The following LAMA3 variants were observed in gnomAD, a reference collection of about 807,000 sequenced individuals.
LAMA3 encodes the protein laminin subunit alpha-3.
A neutral mutation model predicts 402.0 loss-of-function variants in LAMA3; 281 were observed. That is an observed-to-expected ratio of 0.70 (90% confidence interval 0.63 to 0.77). The LOEUF (loss-of-function observed/expected upper bound fraction) is 0.77, where lower values mean the gene tolerates loss of function less well. LAMA3 is among the 30% of genes least tolerant of loss of function. LAMA3 has a pLI of 0.00. For synonymous variants in LAMA3, 1,431 were observed against 1,558.4 expected, an observed-to-expected ratio of 0.92 and a Z score of 1.93; for missense variants, 3,840 against 4,215.5, an observed-to-expected ratio of 0.91 and a Z score of 2.47.
chr18:23,834,871 T>C (rs1264385988), intron 24 of LAMA3: 1 of 152,198 alleles, frequency 6.6e-6, no homozygotes, highest in Non-Finnish European at 1.5e-5. Flanking sequence ...TAGCTTAGAA[T>C]GGAAACTTTT....
intron 2 of LAMA3, among the ~76,000 whole-genome samples, chr18:23,728,694 T>C (rs1369980345): frequency 6.6e-6 from 1 of 152,164 alleles, no homozygotes; most frequent in East Asian, 1.9e-4. Flanking sequence ...GCTTTTCTAC[T>C]GGCTGAAATT....
chr18:23,943,139 A>G (rs1292717646), intron 68 of LAMA3, among the ~76,000 whole-genome samples: 1 of 152,238 alleles, frequency 6.6e-6, no homozygotes, highest in Admixed American at 6.5e-5. Flanking sequence ...CAGAATGCAT[A>G]TTCATTGAGT....
chr18:23,895,562 T>C (rs1367221286), intron 44 of LAMA3, among the ~76,000 whole-genome samples: 1 of 152,240 alleles, frequency 6.6e-6, no homozygotes, highest in East Asian at 1.9e-4. Context: ...GTCAATTTCA[T>C]CTAAATTACC....
rs548849620 is a variant in LAMA3, at chr18:23,824,818, AG to A, written c.2571+255del. ...GGACAAAAAAAATAAAAGATAAAAA[AG>A]GTCTCCTAAAGACTCTTAATTATCA... is the stretch of plus-strand genomic sequence containing the variant. On this transcript the variant is annotated intron_variant, in intron 21 of 74. Coordinates refer to ENST00000313654, the MANE Select transcript of LAMA3 (RefSeq NM_198129.4). 1.1e-4 allele frequency among the ~76,000 whole-genome samples: 17 copies of A among 152,334 alleles called. No homozygotes were observed. The South Asian group carries it at 3.3e-3, about 30-fold the overall frequency.
intron 23 of LAMA3, among the ~76,000 whole-genome samples, chr18:23,829,575 T>C (rs2063454176): frequency 6.6e-6 from 1 of 152,222 alleles, no homozygotes. Context: ...TTCTTGGTCA[T>C]GAGGCCACAT....
chr18:23,737,600 A>G (rs1016761629), intron 2 of LAMA3, among the ~76,000 whole-genome samples: 4 of 152,214 alleles, frequency 2.6e-5, no homozygotes, highest in African/African-American at 9.7e-5. Context: ...CATCACAGTG[A>G]AAGTGACTTT....
rs1157058719 is a variant in LAMA3 at position 23,873,080 on chromosome 18, G to A, written c.4998+1419G>A. The stretch of plus-strand genomic sequence containing the variant: ...CAGTGAGGCGGTCAGCCTGCAGCAT[G>A]GGATGGCTGTGGATCTTTGGGGCAG... On this transcript the variant is annotated intron_variant, in intron 38 of 74. Coordinates refer to ENST00000313654, the MANE Select transcript of LAMA3 (RefSeq NM_198129.4). The A allele has an allele frequency of 3.1e-6, 5 of 1,614,110 alleles. No individual in the cohort carries two copies. In the African/African-American group the frequency reaches 6.7e-5, roughly 22 times the overall value.
At position 23,867,833 on chromosome 18, in the gene LAMA3, G is replaced by C. The variant is rs771876066; in HGVS notation, c.4684-1G>C. 1 of 1,613,292 alleles carries C rather than the reference G, an allele frequency of 6.2e-7. No homozygotes were observed. The highest frequency in any genetic ancestry group is 1.1e-5 in the South Asian group (1 of 91,072). ...ACACATTCATGGTTTTCTTTAAACA[G>C]GGTCAGCACATGTCCATCATCTATG... On this transcript the variant is annotated splice_acceptor_variant, in intron 36 of 74. Coordinates refer to ENST00000313654, the MANE Select transcript of LAMA3 (RefSeq NM_198129.4). LOFTEE classifies it high-confidence loss of function.
chr18:23,898,172 G>T (rs772113232), intron 44 of LAMA3: 1 of 154,708 alleles, frequency 6.5e-6, no homozygotes, highest in Non-Finnish European at 1.4e-5. Flanking sequence ...TAAAAAAAGG[G>T]CAAGGGACCC....
At chr18:23,932,023 TA>T in intron 65 of LAMA3, 136 bp from the exon 66 acceptor site, 1 of 1,066,726 alleles carries the variant, frequency 9.4e-7, no homozygotes, top group Non-Finnish European at 1.4e-6. Context: ...TAATGCTCTT[TA>T]AAAATAAAGT....
At chr18:23,937,696 G>T (rs1178760989) in intron 67 of LAMA3, among the ~76,000 whole-genome samples, 1 of 152,194 alleles carries the variant, frequency 6.6e-6, no homozygotes, top group Non-Finnish European at 1.5e-5. Context: ...AGGCCCACTG[G>T]TATGAGTCCC....
At chr18:23,900,392 C>T (rs2081033415) in intron 47 of LAMA3, among the ~76,000 whole-genome samples, 1 of 152,148 alleles carries the variant, frequency 6.6e-6, no homozygotes, top group Non-Finnish European at 1.5e-5. Context: ...CTTTTGACTG[C>T]ATTTTGACTG....
intron 2 of LAMA3, among the ~76,000 whole-genome samples, chr18:23,733,387 C>T (rs181601412): frequency 5.2e-4 from 79 of 152,108 alleles, no homozygotes; most frequent in African/African-American, 1.7e-3. Context: ...TGGCAGAAGG[C>T]GAAAAGCATG....
chr18:23,829,660 T>C (rs1005024383), intron 23 of LAMA3, among the ~76,000 whole-genome samples: 3 of 152,212 alleles, frequency 2.0e-5, no homozygotes, highest in African/African-American at 7.2e-5. Flanking sequence ...GGGGTACAAG[T>C]ACAAGTTTCT....
chr18:23,943,642 A>G, intron 68 of LAMA3, 146 bp from the exon 69 acceptor site: 1 of 704,336 alleles, frequency 1.4e-6, no homozygotes, highest in Middle Eastern at 3.9e-4. Context: ...TTTCCAGAGA[A>G]ACGGGTCATT....
At chr18:23,772,977 C>G (rs1399743432) in intron 8 of LAMA3, among the ~76,000 whole-genome samples, 1 of 152,200 alleles carries the variant, frequency 6.6e-6, no homozygotes, top group African/African-American at 2.4e-5. Context: ...CCTCCATTTT[C>G]CATTCATGAA....
chr18:23,900,217 C>T (rs2081023503), intron 47 of LAMA3, among the ~76,000 whole-genome samples: 1 of 152,056 alleles, frequency 6.6e-6, no homozygotes, highest in African/African-American at 2.4e-5. Flanking sequence ...ATTACAGGTG[C>T]CTGCCACCAT....
chr18:23,938,818 C>T (rs1484100558), intron 67 of LAMA3, among the ~76,000 whole-genome samples: 2 of 6,876 alleles, frequency 2.9e-4, no homozygotes, highest in Non-Finnish European at 4.3e-3. Flanking sequence ...GCATGCTCCC[C>T]AAAGGAGGGA....
At chr18:23,843,837 A>G (rs959082812) in intron 29 of LAMA3, among the ~76,000 whole-genome samples, 1 of 151,638 alleles carries the variant, frequency 6.6e-6, no homozygotes, top group African/African-American at 2.4e-5. Context: ...CCGTTCTCAA[A>G]CCCCCAGATA....
Sources: allele counts gnomAD v4.1 joint callset (sites outside exome capture counted in the v4.1 genomes callset), GRCh38; gene constraint gnomAD v4.1.1; transcripts MANE v1.5; gene names NCBI Gene and HGNC (gene_info 2026-07-23, HGNC 2026-07-21).